The following PPP6R3 variants were observed in gnomAD, a reference collection of about 807,000 sequenced individuals.
The protein encoded by PPP6R3 is serine/threonine-protein phosphatase 6 regulatory subunit 3.
Under a neutral mutation model 110.7 loss-of-function variants are expected in PPP6R3, and 38 were observed. The ratio of observed to expected loss-of-function variants is 0.34; its 90% CI spans 0.26 to 0.45. PPP6R3 has a LOEUF of 0.45. PPP6R3 is among the 20% of genes least tolerant of loss of function. PPP6R3 has a pLI of 1.00. For missense variants in PPP6R3, 870 were observed against 1,062.4 expected, an observed-to-expected ratio of 0.82 and a Z score of 2.52; for synonymous variants, 369 against 373.5, an observed-to-expected ratio of 0.99 and a Z score of 0.14.
chr11:68,567,712 C>T (rs943349999), intron 10 of PPP6R3, among the ~76,000 whole-genome samples: 6 of 152,154 alleles, frequency 3.9e-5, no homozygotes, highest in African/African-American at 1.4e-4. Context: ...ATAGGCCCAG[C>T]TCTGGAGCCC....
chr11:68,588,227 G>A (rs894679703), intron 16 of PPP6R3, among the ~76,000 whole-genome samples: 3 of 152,066 alleles, frequency 2.0e-5, no homozygotes, highest in East Asian at 3.9e-4. Flanking sequence ...GGCCGGGTGC[G>A]GTGGCTCATG....
intron 1 of PPP6R3, among the ~76,000 whole-genome samples, chr11:68,475,578 C>T (rs1400188665): frequency 8.6e-5 from 12 of 139,506 alleles, no homozygotes; most frequent in African/African-American, 2.6e-4. Context: ...GGCGGCTGGC[C>T]GGGCGGGGGC....
intron 1 of PPP6R3, among the ~76,000 whole-genome samples, chr11:68,516,524 T>C (rs1356358884): frequency 6.6e-6 from 1 of 152,222 alleles, no homozygotes; most frequent in South Asian, 2.1e-4. Flanking sequence ...AAATCTGAAA[T>C]ACTTCTGGTC....
At chr11:68,575,048 C>T (rs983691933) in intron 13 of PPP6R3, among the ~76,000 whole-genome samples, 2 of 152,286 alleles carry the variant, frequency 1.3e-5, no homozygotes, top group South Asian at 2.1e-4. Flanking sequence ...GGTGTGTGCC[C>T]ACTTCTAATT....
At chr11:68,599,848 G>A (rs762200270) in intron 19 of PPP6R3, among the ~76,000 whole-genome samples, 4 of 152,190 alleles carry the variant, frequency 2.6e-5, no homozygotes, top group Non-Finnish European at 5.9e-5. Flanking sequence ...TTGAGGCCAG[G>A]CGCGGTGGCT....
intron 4 of PPP6R3, among the ~76,000 whole-genome samples, chr11:68,546,373 C>G (rs1276593026): frequency 6.6e-6 from 1 of 152,188 alleles, no homozygotes; most frequent in Non-Finnish European, 1.5e-5. Flanking sequence ...CTCCTCACTT[C>G]TGTGCTGTTG....
At chr11:68,546,310 C>A (rs2099348938) in intron 4 of PPP6R3, among the ~76,000 whole-genome samples, 1 of 152,166 alleles carries the variant, frequency 6.6e-6, no homozygotes, top group Non-Finnish European at 1.5e-5. Flanking sequence ...AGGCAGTTCT[C>A]AGGGATGGTT....
intron 8 of PPP6R3, among the ~76,000 whole-genome samples, chr11:68,559,392 T>C (rs1389245192): frequency 6.6e-6 from 1 of 152,222 alleles, no homozygotes; most frequent in Admixed American, 6.5e-5. Flanking sequence ...TCTGAAGAGG[T>C]ATGTATAAGT....
chr11:68,557,749 AC>A (rs1312961444), intron 7 of PPP6R3, among the ~76,000 whole-genome samples: 1 of 151,986 alleles, frequency 6.6e-6, no homozygotes, highest in African/African-American at 2.4e-5. Flanking sequence ...CGAACTCCTG[AC>A]CTTGTGATCC....
chr11:68,542,180 C>T (rs2099319816), intron 3 of PPP6R3, among the ~76,000 whole-genome samples: 1 of 151,734 alleles, frequency 6.6e-6, no homozygotes. Flanking sequence ...CCAGAGCATA[C>T]ATGCAGGAGA....
chr11:68,563,014 G>T (rs2099430779), intron 8 of PPP6R3, among the ~76,000 whole-genome samples: 1 of 151,604 alleles, frequency 6.6e-6, no homozygotes, highest in Non-Finnish European at 1.5e-5. Flanking sequence ...CCAGGTATAT[G>T]AAGAATACCT....
intron 6 of PPP6R3, among the ~76,000 whole-genome samples, chr11:68,553,537 C>T (rs528923541): frequency 1.4e-4 from 22 of 152,206 alleles, no homozygotes; most frequent in African/African-American, 4.8e-4. Context: ...AGGTGATCTG[C>T]CTGCCTCAGT....
rs927694269 is a variant in PPP6R3 at position 68,559,787 on chromosome 11, A to G, written c.845+1108A>G. ...CCTCTTCCCACCCCAGGGGTACAGT[A>G]CCCTCTTCCCACCCCAGCGGTACAG... On this transcript the variant is annotated intron_variant, in intron 8 of 23. Coordinates refer to ENST00000393800, the MANE Select transcript of PPP6R3 (RefSeq NM_001164161.2). Among the ~76,000 whole-genome samples the G allele has an allele frequency of 8.5e-4, 92 of 108,474 alleles. 1 individual carries two copies. The highest frequency in any genetic ancestry group is 1.2e-3 in the Non-Finnish European group (59 of 47,900). 71.2% of individuals were successfully genotyped at this position (108,474 alleles called of 152,430 possible). A position where few individuals can be genotyped will look rare whatever the true frequency, so the allele number is the denominator to read the frequency against.
chr11:68,559,413 T>C (rs1488372708), intron 8 of PPP6R3, among the ~76,000 whole-genome samples: 4 of 152,224 alleles, frequency 2.6e-5, no homozygotes, highest in African/African-American at 9.6e-5. Flanking sequence ...TTTCCGGGAT[T>C]GTGTGATGTA....
intron 1 of PPP6R3, among the ~76,000 whole-genome samples, chr11:68,473,112 C>T (rs1318614605): frequency 6.6e-6 from 1 of 152,126 alleles, no homozygotes. Flanking sequence ...TTTTTGTATG[C>T]GAATGAGTTG....
chr11:68,614,580 A>G lies in PPP6R3; in HGVS notation c.*1463A>G. ...ACATTACATTGCATATGGAAATAAA[A>G]GAATCAAACGTCTAATGCCTTATTA... On this transcript the variant is annotated 3_prime_UTR_variant, in exon 24 of 24. Transcript: ENST00000393800. 1 of 1,506,634 alleles carries G rather than the reference A, an allele frequency of 6.6e-7. No homozygotes were observed. The highest frequency in any genetic ancestry group is 1.3e-5 in the South Asian group (1 of 74,558). The allele number at this position is 1,506,634 out of a possible 1,614,324, so 93.3% of individuals were successfully genotyped here. A position where few individuals can be genotyped will look rare whatever the true frequency, so the allele number is the denominator to read the frequency against.
chr11:68,485,289 T>TC, intron 1 of PPP6R3, among the ~76,000 whole-genome samples: 1 of 145,958 alleles, frequency 6.9e-6, no homozygotes, highest in Non-Finnish European at 1.5e-5. Flanking sequence ...TTTTTTTTTT[T>TC]TTTCAATTCC....
chr11:68,516,061 T>C (rs1323156488), intron 1 of PPP6R3, among the ~76,000 whole-genome samples: 1 of 152,194 alleles, frequency 6.6e-6, no homozygotes, highest in African/African-American at 2.4e-5. Context: ...AATTACATAG[T>C]CTTCTGCCTT....
chr11:68,558,455 T>C (rs921475480), intron 7 of PPP6R3, 111 bp from the exon 8 acceptor site: 4 of 636,784 alleles, frequency 6.3e-6, no homozygotes, highest in African/African-American at 1.9e-5. Flanking sequence ...AAAACAAATA[T>C]GCCCAAGTAT....
Sources: gnomAD v4.1 joint callset for allele counts (sites outside exome capture counted in the v4.1 genomes callset) on GRCh38, gnomAD v4.1.1 for gene constraint, MANE v1.5 for transcripts, NCBI Gene and HGNC (gene_info 2026-07-23, HGNC 2026-07-21) for gene names.